MACROD2: variants seen among roughly 807,000 people sequenced by gnomAD.
The protein encoded by MACROD2 is ADP-ribose glycohydrolase MACROD2.
A neutral mutation model predicts 70.4 loss-of-function variants in MACROD2; 36 were observed. The ratio of observed to expected loss-of-function variants is 0.51; its 90% confidence interval spans 0.39 to 0.68. The LOEUF (loss-of-function observed/expected upper bound fraction) is 0.68. MACROD2 is among the 30% of genes least tolerant of loss of function. The pLI is 0.00. For missense variants in MACROD2, 496 were observed against 538.4 expected, an observed-to-expected ratio of 0.92 and a Z score of 0.78; for synonymous variants, 172 against 178.8, an observed-to-expected ratio of 0.96 and a Z score of 0.30.
intron 3 of MACROD2, among the ~76,000 whole-genome samples, chr20:14,201,937 T>C: frequency 6.6e-6 from 1 of 151,924 alleles, no homozygotes; most frequent in Admixed American, 6.6e-5. Flanking sequence ...ATATATAATA[T>C]ATATTGCTAA....
intron 15 of MACROD2, among the ~76,000 whole-genome samples, chr20:16,014,265 G>A (rs1235610684): frequency 6.6e-6 from 1 of 152,216 alleles, no homozygotes; most frequent in Admixed American, 6.5e-5. Flanking sequence ...ACTTGGACAT[G>A]TTACTTAACT....
chr20:14,611,850 A>G (rs1983193268), intron 4 of MACROD2, among the ~76,000 whole-genome samples: 2 of 152,148 alleles, frequency 1.3e-5, no homozygotes, highest in African/African-American at 4.8e-5. Context: ...TTAGCTGTCT[A>G]ATATTTTCTC....
intron 3 of MACROD2, among the ~76,000 whole-genome samples, chr20:14,169,790 T>G (rs1015015684): frequency 3.3e-5 from 5 of 152,196 alleles, no homozygotes; most frequent in African/African-American, 1.2e-4. Context: ...ATTATTATTT[T>G]GAATACATTG....
At chr20:15,095,859 GTT>G (rs1018926191) in intron 5 of MACROD2, among the ~76,000 whole-genome samples, 1 of 88,122 alleles carries the variant, frequency 1.1e-5, no homozygotes, top group African/African-American at 4.2e-5. Context: ...ACACCATGTT[GTT>G]TGTGTGTGTG....
At chr20:14,037,100 A>C (rs1453416200) in intron 2 of MACROD2, among the ~76,000 whole-genome samples, 1 of 152,190 alleles carries the variant, frequency 6.6e-6, no homozygotes, top group Non-Finnish European at 1.5e-5. Context: ...TTAATGACCA[A>C]AATGTAACTT....
At chr20:14,883,747 T>C (rs2073638096) in intron 5 of MACROD2, among the ~76,000 whole-genome samples, 2 of 152,182 alleles carry the variant, frequency 1.3e-5, no homozygotes, top group African/African-American at 4.8e-5. Flanking sequence ...ATAGGGACAA[T>C]GTCTACCAAT....
At chr20:15,303,515 T>C (rs1295700846) in intron 6 of MACROD2, among the ~76,000 whole-genome samples, 1 of 152,198 alleles carries the variant, frequency 6.6e-6, no homozygotes, top group Non-Finnish European at 1.5e-5. Flanking sequence ...ATAGCCATCC[T>C]CTCTTTCATT....
intron 3 of MACROD2, among the ~76,000 whole-genome samples, chr20:14,107,695 CA>C (rs35030793): frequency 0.49 from 73,914 of 151,816 alleles, 20,829 homozygotes; most frequent in Non-Finnish European, 0.62. Context: ...GCACCTCTTT[CA>C]GTGGAAACCC....
intron 5 of MACROD2, among the ~76,000 whole-genome samples, chr20:14,818,773 T>C (rs2072803051): frequency 6.6e-6 from 1 of 151,500 alleles, no homozygotes; most frequent in Non-Finnish European, 1.5e-5. Context: ...AGCATAATAA[T>C]TTTTCCAAAT....
intron 3 of MACROD2, among the ~76,000 whole-genome samples, chr20:14,240,615 C>T (rs2081920509): frequency 6.6e-6 from 1 of 152,068 alleles, no homozygotes; most frequent in Non-Finnish European, 1.5e-5. Flanking sequence ...TGCGTGTTCT[C>T]ACTTATAAGT....
intron 8 of MACROD2, among the ~76,000 whole-genome samples, chr20:15,847,169 C>T (rs374331757): frequency 6.6e-6 from 1 of 152,138 alleles, no homozygotes; most frequent in East Asian, 1.9e-4. Context: ...CTTTCTTCTC[C>T]TCAACATTTC....
intron 5 of MACROD2, among the ~76,000 whole-genome samples, chr20:15,048,368 C>T (rs1053615767): frequency 2.6e-5 from 4 of 152,052 alleles, no homozygotes; most frequent in African/African-American, 9.7e-5. Flanking sequence ...AACCTAGTCC[C>T]TCCTGACAGA....
chr20:14,818,014 A>G lies in MACROD2; in HGVS notation c.418+133055A>G, dbSNP rs548288515. 8.5e-5 allele frequency among the ~76,000 whole-genome samples: 13 copies of G among 152,268 alleles called. No individual in the cohort carries two copies. In the South Asian group the frequency reaches 1.7e-3, roughly 19 times the overall value. ...AGGTGGGCCACCAAAAACATCTGCC[A>G]TATCTTCTGTGGGCTTACATCCACC... On this transcript the variant is annotated intron_variant, in intron 5 of 17. Coordinates refer to ENST00000684519, the MANE Select transcript of MACROD2 (RefSeq NM_001351661.2).
intron 8 of MACROD2, among the ~76,000 whole-genome samples, chr20:15,549,560 G>A (rs961590342): frequency 6.6e-6 from 1 of 152,096 alleles, no homozygotes; most frequent in Non-Finnish European, 1.5e-5. Context: ...TTAGTCTTTG[G>A]ATAATGTATA....
rs987530902 is a variant in MACROD2 at position 14,116,694 on chromosome 20, C to CT, written c.271+30972dup. On this transcript the variant is annotated intron_variant, in intron 3 of 17. Coordinates refer to ENST00000684519, the MANE Select transcript of MACROD2 (RefSeq NM_001351661.2). ...CTGTTCATCTCTATGCATTTATATA[C>CT]TTTTTTGTTTGCATTTTTATGACTT... Among the ~76,000 whole-genome samples the CT allele has an allele frequency of 7.9e-5, 12 of 152,184 alleles. No individual in the cohort carries two copies. In the East Asian group the frequency reaches 1.2e-3, roughly 15 times the overall value.
At chr20:14,935,442 G>A (rs950500979) in intron 5 of MACROD2, 8 of 152,132 alleles carry the variant, frequency 5.3e-5, no homozygotes, top group African/African-American at 1.9e-4. Context: ...GCTCAGGAAT[G>A]CCTATGTGTT....
chr20:14,340,487 A>G (rs2083001677), intron 3 of MACROD2, among the ~76,000 whole-genome samples: 1 of 150,956 alleles, frequency 6.6e-6, no homozygotes, highest in Non-Finnish European at 1.5e-5. Context: ...TACAGGGCCA[A>G]TAACAGATTT....
Position 15,797,101 on chromosome 20 carries a change from T to TTTTG in MACROD2, c.646-65624_646-65621dup, listed in dbSNP as rs754664130. 4.5e-3 allele frequency among the ~76,000 whole-genome samples: 686 copies of TTTTG among 152,094 alleles called. 5 individuals are homozygous for TTTTG. The highest frequency in any genetic ancestry group is 0.014 in the East Asian group (71 of 5,134). Reference sequence around the variant, plus strand: ...GCAACCTGACCTTTTAGGGTTCTTTTTTTGTTTGTTTGTTTGTTTGTTTTG... The same window carrying TTTTG: ...GCAACCTGACCTTTTAGGGTTCTTTTTTTGTTTGTTTGTTTGTTTGTTTGTTTTG... On this transcript the variant is annotated intron_variant, in intron 8 of 17. Coordinates refer to ENST00000684519, the MANE Select transcript of MACROD2 (RefSeq NM_001351661.2).
chr20:15,815,774 A>G (rs2063867447), intron 8 of MACROD2, among the ~76,000 whole-genome samples: 1 of 152,152 alleles, frequency 6.6e-6, no homozygotes, highest in African/African-American at 2.4e-5. Flanking sequence ...AAATTATGCA[A>G]CTTTTCTTCT....
Sources: gnomAD v4.1 joint callset for allele counts (sites outside exome capture counted in the v4.1 genomes callset) on GRCh38, gnomAD v4.1.1 for gene constraint, MANE v1.5 for transcripts, NCBI Gene and HGNC (gene_info 2026-07-23, HGNC 2026-07-21) for gene names.